The following EBF1 variants were observed in gnomAD, a reference collection of about 807,000 sequenced individuals.
EBF1 encodes EBF transcription factor 1.
A neutral mutation model predicts 68.4 loss-of-function variants in EBF1; 10 were observed. The observed-to-expected ratio is 0.15, with a 90% CI of 0.09 to 0.25. The LOEUF (loss-of-function observed/expected upper bound fraction) is 0.25. EBF1 is among the 10% of genes least tolerant of loss of function. The pLI, the probability that EBF1 is intolerant of heterozygous loss-of-function variation, is 1.00. For missense variants in EBF1, 509 were observed against 794.4 expected (o/e 0.64, Z 4.32); for synonymous variants, 298 against 299.8 (o/e 0.99, Z 0.06).
chr5:158,712,456 G>A, intron 13 of EBF1, 123 bp from the exon 14 acceptor site: 2 of 1,097,666 alleles, frequency 1.8e-6, no homozygotes, highest in East Asian at 2.6e-5. Flanking sequence ...GGAAGGGATT[G>A]GGTGATTCAT....
chr5:158,756,241 C>T (rs1770061925), intron 10 of EBF1, among the ~76,000 whole-genome samples: 1 of 152,012 alleles, frequency 6.6e-6, no homozygotes, highest in African/African-American at 2.4e-5. Context: ...AGCGTTTTGG[C>T]TGCCTTCTGA....
At chr5:158,930,405 A>G (rs1334544556) in intron 6 of EBF1, among the ~76,000 whole-genome samples, 1 of 152,102 alleles carries the variant, frequency 6.6e-6, no homozygotes, top group Non-Finnish European at 1.5e-5. Context: ...GGGTAAAAAG[A>G]TGCTCCTCTG....
At chr5:158,702,173 G>A (rs1756902003) in intron 15 of EBF1, among the ~76,000 whole-genome samples, 2 of 152,164 alleles carry the variant, frequency 1.3e-5, no homozygotes, top group Admixed American at 6.5e-5. Context: ...CCTCCAAAGA[G>A]GCCCTTTTAA....
chr5:158,738,224 A>C (rs940701649), intron 10 of EBF1, among the ~76,000 whole-genome samples: 1 of 152,190 alleles, frequency 6.6e-6, no homozygotes, highest in Non-Finnish European at 1.5e-5. Flanking sequence ...GATAGACATA[A>C]TTTATGTAAC....
chr5:158,920,353 T>C (rs1215046420), intron 6 of EBF1, among the ~76,000 whole-genome samples: 1 of 152,192 alleles, frequency 6.6e-6, no homozygotes, highest in East Asian at 1.9e-4. Context: ...GGACTTCCTA[T>C]CATATTGTTC....
chr5:159,094,188 A>AC (rs1782164435), intron 4 of EBF1, among the ~76,000 whole-genome samples: 1 of 146,818 alleles, frequency 6.8e-6, no homozygotes, highest in African/African-American at 2.5e-5. Context: ...AAAAAAAAAA[A>AC]AAAAAACACA....
chr5:158,784,387 A>G (rs774158767), intron 9 of EBF1, among the ~76,000 whole-genome samples: 14 of 152,168 alleles, frequency 9.2e-5, no homozygotes, highest in Non-Finnish European at 1.8e-4. Context: ...CTTTGAAAGC[A>G]TGGATTGTAT....
intron 6 of EBF1, among the ~76,000 whole-genome samples, chr5:158,913,485 C>T (rs55825234): frequency 0.053 from 8,052 of 152,202 alleles, 289 homozygotes; most frequent in Non-Finnish European, 0.071. Context: ...TCTGCTTTCT[C>T]GATCCTAGTG....
chr5:158,861,861 A>C (rs1562147320), intron 6 of EBF1, among the ~76,000 whole-genome samples: 1 of 151,868 alleles, frequency 6.6e-6, no homozygotes. Context: ...AAAAATGTTT[A>C]AAATCCAAAA....
intron 6 of EBF1, among the ~76,000 whole-genome samples, chr5:159,053,886 G>T (rs546938714): frequency 1.3e-5 from 2 of 152,262 alleles, no homozygotes; most frequent in East Asian, 1.9e-4. Flanking sequence ...AAAAGCTGAG[G>T]TTAAATTACC....
chr5:158,780,391 G>A (rs1407052187), intron 9 of EBF1, among the ~76,000 whole-genome samples: 2 of 152,092 alleles, frequency 1.3e-5, no homozygotes, highest in African/African-American at 4.8e-5. Flanking sequence ...AACAGAAGGA[G>A]GGAGGGCTAG....
At chr5:158,969,485 C>T (rs913624952) in intron 6 of EBF1, among the ~76,000 whole-genome samples, 8 of 149,048 alleles carry the variant, frequency 5.4e-5, no homozygotes, top group African/African-American at 1.7e-4. Flanking sequence ...TGCTAGGGGC[C>T]GGGGGCTGTG....
chr5:158,940,049 A>G (rs1468985577), intron 6 of EBF1, among the ~76,000 whole-genome samples: 1 of 152,178 alleles, frequency 6.6e-6, no homozygotes, highest in Non-Finnish European at 1.5e-5. Context: ...CCCAGTACTT[A>G]CTTACCTGGC....
Position 159,090,556 on chromosome 5 carries a change from G to A in EBF1, c.411+5064C>T, listed in dbSNP as rs149349881. 1.4e-3 allele frequency among the ~76,000 whole-genome samples: 213 copies of A among 152,250 alleles called. 1 individual carries two copies. Among genetic ancestry groups the A allele is most frequent in the African/African-American group, 4.7e-3 (197 of 41,550 alleles). On this transcript the variant is annotated intron_variant, in intron 4 of 15. Transcript: ENST00000313708. ...GAAGGAATGATATCAGATTCAGTGTGCTGTTCAGTTACATCACAGCCCTGA... is the reference window on the plus strand; with the variant it reads ...GAAGGAATGATATCAGATTCAGTGTACTGTTCAGTTACATCACAGCCCTGA...
chr5:159,041,935 G>A (rs910398764), intron 6 of EBF1, among the ~76,000 whole-genome samples: 2 of 152,190 alleles, frequency 1.3e-5, no homozygotes, highest in Non-Finnish European at 2.9e-5. Flanking sequence ...TTGCATGGCT[G>A]TGGTGGAGGA....
At chr5:158,809,754 CTG>C (rs1782277945) in intron 8 of EBF1, among the ~76,000 whole-genome samples, 1 of 152,198 alleles carries the variant, frequency 6.6e-6, no homozygotes, top group African/African-American at 2.4e-5. Context: ...TAAACACACA[CTG>C]AGTCTGAACA....
At chr5:158,766,827 C>G (rs998233221) in intron 10 of EBF1, among the ~76,000 whole-genome samples, 3 of 152,088 alleles carry the variant, frequency 2.0e-5, no homozygotes, top group African/African-American at 7.2e-5. Flanking sequence ...CTATATAAAC[C>G]TATTGTGACT....
chr5:158,939,436 C>T (rs1202041732), intron 6 of EBF1, among the ~76,000 whole-genome samples: 1 of 152,014 alleles, frequency 6.6e-6, no homozygotes, highest in Non-Finnish European at 1.5e-5. Flanking sequence ...AAGATGATGA[C>T]CAGAAAATGG....
At chr5:158,849,657 A>G (rs554807106) in intron 6 of EBF1, among the ~76,000 whole-genome samples, 22 of 152,352 alleles carry the variant, frequency 1.4e-4, no homozygotes, top group Non-Finnish European at 2.8e-4. Flanking sequence ...CTGTACATGC[A>G]AAGCACTGAA....
Sources: gnomAD v4.1 joint callset for allele counts (sites outside exome capture counted in the v4.1 genomes callset) on GRCh38, gnomAD v4.1.1 for gene constraint, MANE v1.5 for transcripts, NCBI Gene and HGNC (gene_info 2026-07-23, HGNC 2026-07-21) for gene names.